DEPDC5: variants seen among roughly 807,000 people sequenced by gnomAD.
DEPDC5 encodes GATOR1 complex protein DEPDC5.
DEPDC5 carries 73 observed loss-of-function variants against 217.3 expected under a neutral mutation model. That is an observed-to-expected ratio of 0.34 (90% CI 0.28 to 0.41). The LOEUF (loss-of-function observed/expected upper bound fraction) is 0.41, where lower values mean the gene tolerates loss of function less well. DEPDC5 is among the 10% of genes least tolerant of loss of function. The probability of loss-of-function intolerance (pLI) is 1.00; values close to 1 mark genes in which losing one functional copy is unlikely to be tolerated. For missense variants in DEPDC5, 1,675 were observed against 2,070.1 expected (o/e 0.81, Z 3.70); for synonymous variants, 733 against 756.7 (o/e 0.97, Z 0.51).
intron 14 of DEPDC5, among the ~76,000 whole-genome samples, chr22:31,802,153 A>G (rs1296398332): frequency 1.5e-5 from 2 of 133,712 alleles, no homozygotes; most frequent in Non-Finnish European, 3.1e-5. Context: ...TTTTTTAGAC[A>G]GGTTCTTGCT....
In DEPDC5 at chr22:31,773,515, T is replaced by C. The variant is rs77291684; in HGVS notation, c.414-4584T>C. Among the ~76,000 whole-genome samples the C allele has an allele frequency of 6.1e-3, 935 of 152,264 alleles. 9 individuals are homozygous for C. The highest frequency in any genetic ancestry group is 0.021 in the African/African-American group (862 of 41,552). On this transcript the variant is annotated intron_variant, in intron 7 of 42. Transcript: ENST00000651528. ...ACCGCAGCTGGCCTCTTTTAGACTT[T>C]TAAAGATCTGTCCTGATATTTTGCT... is the stretch of plus-strand genomic sequence containing the variant.
chr22:31,839,519 C>CG (rs567846041), intron 27 of DEPDC5, among the ~76,000 whole-genome samples: 1 of 47,388 alleles, frequency 2.1e-5, no homozygotes, highest in African/African-American at 1.6e-4. Flanking sequence ...GCTAACAAGA[C>CG]CCCCCCTCCC....
intron 5 of DEPDC5, 100 bp from the exon 6 acceptor site, chr22:31,766,485 T>C: frequency 8.3e-7 from 1 of 1,204,564 alleles, no homozygotes; most frequent in Admixed American, 2.1e-5. Context: ...GTAGTTTTCT[T>C]TTTTGCAATA....
chr22:31,789,869 G>A lies in DEPDC5; in HGVS notation c.625-2164G>A, dbSNP rs530025519. 1.3e-3 allele frequency among the ~76,000 whole-genome samples: 205 copies of A among 151,998 alleles called. 1 individual carries two copies. The highest frequency in any genetic ancestry group is 4.8e-3 in the African/African-American group (200 of 41,432). On this transcript the variant is annotated intron_variant, in intron 10 of 42. Transcript: ENST00000651528. Reference sequence around the variant, plus strand: ...GGATCTTGTCACTTCATCCTCCTCAGTAGTTGGGACTACAGGCGCAGGCCA... The same window carrying A: ...GGATCTTGTCACTTCATCCTCCTCAATAGTTGGGACTACAGGCGCAGGCCA...
Position 31,843,219 on chromosome 22 carries a change from A to G in DEPDC5, c.2633+7A>G, listed in dbSNP as rs1169099672. 3 of 1,612,194 alleles carry G rather than the reference A, an allele frequency of 1.9e-6. No individual in the cohort carries two copies. Among genetic ancestry groups the G allele is most frequent in the Admixed American group, 1.7e-5 (1 of 59,730 alleles). On this transcript the variant is annotated splice_region_variant and intron_variant, in intron 28 of 42. Transcript: ENST00000651528. Reference sequence around the variant, plus strand: ...TGACGCGATACCTTCCCAAGTGAGTATTTGGATATTTAAAGTCTTCAGTTA... The same window carrying G: ...TGACGCGATACCTTCCCAAGTGAGTGTTTGGATATTTAAAGTCTTCAGTTA...
At chr22:31,895,143 CAAAAA>C (rs56247667) in intron 39 of DEPDC5, among the ~76,000 whole-genome samples, 3,031 of 57,590 alleles carry the variant, frequency 0.053, 110 homozygotes, top group African/African-American at 0.16. Context: ...GAATCCGTCT[CAAAAA>C]AAAAAAAAAA....
intron 12 of DEPDC5, among the ~76,000 whole-genome samples, chr22:31,793,044 T>A (rs368555773): frequency 4.4e-4 from 67 of 151,836 alleles, no homozygotes; most frequent in African/African-American, 1.5e-3. Flanking sequence ...CACACCAACC[T>A]GGGAGAGAGT....
intron 33 of DEPDC5, 88 bp downstream of exon 33, chr22:31,861,521 G>A: frequency 2.2e-6 from 3 of 1,371,938 alleles, no homozygotes; most frequent in Non-Finnish European, 3.0e-6. Flanking sequence ...ACATGGAATT[G>A]GGCTGCAACT....
chr22:31,759,374 T>G (rs947696969), intron 3 of DEPDC5, among the ~76,000 whole-genome samples: 6 of 114,674 alleles, frequency 5.2e-5, no homozygotes, highest in African/African-American at 1.6e-4. Flanking sequence ...GTTTTTTTTG[T>G]TTTTTTTTGT....
intron 10 of DEPDC5, among the ~76,000 whole-genome samples, chr22:31,788,678 G>A (rs149250786): frequency 0.028 from 4,235 of 151,704 alleles, 82 homozygotes; most frequent in African/African-American, 0.05. Flanking sequence ...GGTTCAAGCA[G>A]TTCTCCTGCT....
chr22:31,771,715 T>TCACACACACACACACACACACA (rs55851105), intron 7 of DEPDC5, among the ~76,000 whole-genome samples: 3 of 78,090 alleles, frequency 3.8e-5, no homozygotes, highest in Admixed American at 1.5e-4. Context: ...CAAGACTCCG[T>TCACACACACACACACACACACA]CACACACACA....
chr22:31,905,130 C>T lies in DEPDC5; in HGVS notation c.4437-854C>T, dbSNP rs1414948254. On this transcript the variant is annotated intron_variant, in intron 41 of 42. Coordinates refer to ENST00000651528, the MANE Select transcript of DEPDC5 (RefSeq NM_001242896.3). ...AACAAGCCATAGATGAAAAATGGCT[C>T]CTCCTGCCCATTTCCAGAGCACAGG... 2.0e-5 allele frequency among the ~76,000 whole-genome samples: 3 copies of T among 152,056 alleles called. No homozygotes were observed. The East Asian group carries it at 5.9e-4, about 30-fold the overall frequency.
chr22:31,766,454 C>T (rs770350810), intron 5 of DEPDC5, 131 bp from the exon 6 acceptor site: 21 of 795,526 alleles, frequency 2.6e-5, no homozygotes, highest in Non-Finnish European at 4.4e-5. Context: ...CATCAGAGTT[C>T]TGCTACTGAA....
Position 31,845,060 on chromosome 22 carries a change from G to C in DEPDC5, c.2844G>C (p.Leu948=), listed in dbSNP as rs151215663. 2.6e-5 allele frequency: 42 copies of C among 1,614,132 alleles called. No homozygotes were observed. The East Asian group carries it at 9.4e-4, about 36-fold the overall frequency. ...AGTTCTGGAGGACCCGCTTCCTGCT[G>C]CTGCCAGCCTGTGTCACCGCCACCA... is the stretch of plus-strand genomic sequence containing the variant. The part of the protein sequence containing the change: ...SLKFWRTRFL[L]LPACVTATKR... The change falls in exon 30 of 43, where the codon CTG becomes CTC. Residue 948 remains leucine (L), a synonymous_variant. Coordinates refer to ENST00000651528, the MANE Select transcript of DEPDC5 (RefSeq NM_001242896.3).
intron 9 of DEPDC5, 146 bp from the exon 10 acceptor site, chr22:31,784,668 C>A: frequency 3.1e-6 from 2 of 639,824 alleles, no homozygotes; most frequent in Non-Finnish European, 5.3e-6. Flanking sequence ...TTTTGGTCCC[C>A]TTTCTTATAG....
chr22:31,880,991 G>C (rs1159786158), intron 38 of DEPDC5, among the ~76,000 whole-genome samples: 1 of 149,344 alleles, frequency 6.7e-6, no homozygotes, highest in Non-Finnish European at 1.5e-5. Context: ...CTCCAGCCTG[G>C]GTGACAGAAT....
intron 8 of DEPDC5, among the ~76,000 whole-genome samples, chr22:31,781,581 T>C (rs2084448945): frequency 6.6e-6 from 1 of 152,086 alleles, no homozygotes; most frequent in African/African-American, 2.4e-5. Flanking sequence ...TACAGGCATT[T>C]GCCACCACAC....
At chr22:31,786,802 G>T (rs2085038176) in intron 10 of DEPDC5, among the ~76,000 whole-genome samples, 2 of 152,042 alleles carry the variant, frequency 1.3e-5, no homozygotes, top group African/African-American at 4.8e-5. Flanking sequence ...TAGAGACAGG[G>T]TCTCGTTTTG....
intron 38 of DEPDC5, among the ~76,000 whole-genome samples, chr22:31,892,853 G>A (rs1216731079): frequency 6.6e-6 from 1 of 150,812 alleles, no homozygotes; most frequent in Non-Finnish European, 1.5e-5. Flanking sequence ...TACATTTTAG[G>A]GTTCACTCTT....
Sources: gnomAD v4.1 joint callset for allele counts (sites outside exome capture counted in the v4.1 genomes callset) on GRCh38, gnomAD v4.1.1 for gene constraint, MANE v1.5 for transcripts, NCBI Gene and HGNC (gene_info 2026-07-23, HGNC 2026-07-21) for gene names.